RFX3: variants seen among roughly 807,000 people sequenced by gnomAD.
RFX3 encodes regulatory factor X3.
A neutral mutation model predicts 98.6 loss-of-function variants in RFX3; 14 were observed. The observed-to-expected ratio is 0.14, with a 90% confidence interval of 0.09 to 0.22. The LOEUF (loss-of-function observed/expected upper bound fraction) is 0.22. RFX3 is among the 10% of genes least tolerant of loss of function. RFX3 has a pLI of 1.00. For synonymous variants in RFX3, 383 were observed against 328.4 expected (o/e 1.17, Z -1.80); for missense variants, 639 against 926.9 (o/e 0.69, Z 4.03).
intron 1 of RFX3, among the ~76,000 whole-genome samples, chr9:3,480,105 A>T (rs1413884568): frequency 6.6e-6 from 1 of 152,196 alleles, no homozygotes. Flanking sequence ...ACCACCCCAA[A>T]ACTTACTGGC....
intron 1 of RFX3, among the ~76,000 whole-genome samples, chr9:3,447,014 T>C (rs976952946): frequency 6.6e-6 from 1 of 152,136 alleles, no homozygotes; most frequent in Non-Finnish European, 1.5e-5. Flanking sequence ...AACAAAGCAT[T>C]ACTTATTCGT....
At chr9:3,519,135 A>G (rs1001351737) in intron 1 of RFX3, among the ~76,000 whole-genome samples, 10 of 152,204 alleles carry the variant, frequency 6.6e-5, no homozygotes, top group African/African-American at 1.7e-4. Context: ...ACAGATAATG[A>G]CATATTACAT....
At chr9:3,272,848 T>C (rs974072484) in intron 9 of RFX3, among the ~76,000 whole-genome samples, 1 of 152,198 alleles carries the variant, frequency 6.6e-6, no homozygotes, top group Admixed American at 6.5e-5. Context: ...ATATCTTTGA[T>C]AAACAAATTG....
chr9:3,460,079 G>T lies in RFX3; in HGVS notation c.-8-64483C>A, dbSNP rs201092650. On this transcript the variant is annotated intron_variant, in intron 1 of 16. Transcript: ENST00000617270. The stretch of plus-strand genomic sequence containing the variant: ...AAAGATGGTTGGTTACATATCAAAG[G>T]ACCCCAGTCTGGTATCTTTCTCTTG... 3.9e-5 allele frequency among the ~76,000 whole-genome samples: 6 copies of T among 152,050 alleles called. No homozygotes were observed. The East Asian group carries it at 9.6e-4, about 24-fold the overall frequency.
chr9:3,281,405 A>G lies in RFX3; in HGVS notation c.852-3944T>C, dbSNP rs566439802. On this transcript the variant is annotated intron_variant, in intron 7 of 16. Transcript: ENST00000617270. Reference sequence around the variant, plus strand: ...AACCTTCCTGTTGAATCCTTTAAAAATACTGAACTTTTTAATATTTAAGAG... The same window carrying G: ...AACCTTCCTGTTGAATCCTTTAAAAGTACTGAACTTTTTAATATTTAAGAG... 1.6e-3 allele frequency among the ~76,000 whole-genome samples: 247 copies of G among 151,712 alleles called. 1 individual carries two copies. The highest frequency in any genetic ancestry group is 5.9e-3 in the African/African-American group (244 of 41,506).
chr9:3,521,431 A>G (rs531828002), intron 1 of RFX3, among the ~76,000 whole-genome samples: 30 of 152,284 alleles, frequency 2.0e-4, no homozygotes, highest in African/African-American at 6.3e-4. Context: ...ATATAATTAA[A>G]AATTTTTTTC....
At chr9:3,423,808 T>TAG (rs1843685430) in intron 1 of RFX3, among the ~76,000 whole-genome samples, 1 of 140,912 alleles carries the variant, frequency 7.1e-6, no homozygotes, top group African/African-American at 2.7e-5. Flanking sequence ...TATATATATA[T>TAG]ATATCTTAAG....
chr9:3,362,904 C>T (rs1310478527), intron 2 of RFX3, among the ~76,000 whole-genome samples: 3 of 152,124 alleles, frequency 2.0e-5, no homozygotes, highest in Non-Finnish European at 4.4e-5. Context: ...GAATGTTACT[C>T]AGGAAAGATT....
In RFX3 at chr9:3,236,045, C is replaced by T. The variant is rs560047304; in HGVS notation, c.1969-7156G>A. Among the ~76,000 whole-genome samples, 7 of 152,096 alleles carry T rather than the reference C, an allele frequency of 4.6e-5. No homozygotes were observed. The South Asian group carries it at 1.5e-3, about 32-fold the overall frequency. ...AGTATTGGAGGAAACACATCCAACC[C>T]GATTAAGCTATTTGGGACATAGCAA... On this transcript the variant is annotated intron_variant, in intron 15 of 16. Coordinates refer to ENST00000617270, the MANE Select transcript of RFX3 (RefSeq NM_001282116.2).
At chr9:3,434,291 T>C (rs1844920789) in intron 1 of RFX3, among the ~76,000 whole-genome samples, 1 of 152,144 alleles carries the variant, frequency 6.6e-6, no homozygotes, top group Non-Finnish European at 1.5e-5. Context: ...AATACGCTTC[T>C]AACAGAATAT....
chr9:3,366,696 T>TCC (rs1837156609), intron 2 of RFX3, among the ~76,000 whole-genome samples: 3 of 72,766 alleles, frequency 4.1e-5, no homozygotes, highest in African/African-American at 1.7e-4. Flanking sequence ...TTTCTTTCCT[T>TCC]TCTTTCTTTC....
intron 4 of RFX3, among the ~76,000 whole-genome samples, chr9:3,311,852 C>T (rs1435762841): frequency 6.6e-6 from 1 of 152,170 alleles, no homozygotes; most frequent in Non-Finnish European, 1.5e-5. Flanking sequence ...CCACTGCAAG[C>T]CAGCCTGGGC....
intron 2 of RFX3, among the ~76,000 whole-genome samples, chr9:3,358,379 G>C (rs781268347): frequency 5.3e-5 from 8 of 151,984 alleles, no homozygotes; most frequent in Non-Finnish European, 1.2e-4. Context: ...GTTCATCAAG[G>C]GTCCCTTAAA....
chr9:3,227,174 T>TA (rs577396767), intron 16 of RFX3, among the ~76,000 whole-genome samples: 1 of 151,830 alleles, frequency 6.6e-6, no homozygotes, highest in African/African-American at 2.4e-5. Context: ...GTCAAAATAA[T>TA]AAAAAAGGGA....
At chr9:3,244,143 C>T (rs1356680258) in intron 15 of RFX3, among the ~76,000 whole-genome samples, 1 of 152,002 alleles carries the variant, frequency 6.6e-6, no homozygotes, top group Non-Finnish European at 1.5e-5. Flanking sequence ...GCTGGGACTA[C>T]AGGCACATGC....
intron 4 of RFX3, among the ~76,000 whole-genome samples, chr9:3,310,725 T>C (rs1829861646): frequency 6.6e-6 from 1 of 152,214 alleles, no homozygotes; most frequent in Non-Finnish European, 1.5e-5. Context: ...TTGAGATGTG[T>C]AGAACTTTCT....
intron 2 of RFX3, among the ~76,000 whole-genome samples, chr9:3,362,813 G>C (rs934653142): frequency 4.6e-5 from 7 of 152,104 alleles, no homozygotes; most frequent in Non-Finnish European, 1.0e-4. Flanking sequence ...TCCCAAAATA[G>C]ACTGGCATCA....
At chr9:3,346,801 G>C (rs980096821) in intron 2 of RFX3, 37 bp from the exon 3 acceptor site, 2 of 1,276,868 alleles carry the variant, frequency 1.6e-6, no homozygotes, top group African/African-American at 2.9e-5. Flanking sequence ...TAAGAGGTAG[G>C]TATGATAGGA....
chr9:3,297,002 C>T (rs1828077326), intron 5 of RFX3, among the ~76,000 whole-genome samples: 2 of 152,072 alleles, frequency 1.3e-5, no homozygotes, highest in African/African-American at 4.8e-5. Context: ...GTGTCTAAAA[C>T]ATAGTATTAG....
Sources: gnomAD v4.1 joint callset for allele counts (sites outside exome capture counted in the v4.1 genomes callset) on GRCh38, gnomAD v4.1.1 for gene constraint, MANE v1.5 for transcripts, NCBI Gene and HGNC (gene_info 2026-07-23, HGNC 2026-07-21) for gene names.